Variants in CSMD3 observed in about 807,000 individuals in gnomAD.
The protein encoded by CSMD3 is CUB and Sushi multiple domains 3.
A neutral mutation model predicts 435.2 loss-of-function variants in CSMD3; 177 were observed. The ratio of observed to expected loss-of-function variants is 0.41; its 90% CI spans 0.36 to 0.46. The LOEUF is 0.46. Ranked by LOEUF, CSMD3 falls within the 20% of genes least tolerant of loss-of-function variation. CSMD3 has a pLI of 0.34. For synonymous variants in CSMD3, 1,656 were observed against 1,520.5 expected, an observed-to-expected ratio of 1.09 and a Z score of -2.07; for missense variants, 4,265 against 4,504.6, an observed-to-expected ratio of 0.95 and a Z score of 1.52.
chr8:112,792,881 A>G (rs2078725812), intron 13 of CSMD3, among the ~76,000 whole-genome samples: 1 of 151,978 alleles, frequency 6.6e-6, no homozygotes, highest in South Asian at 2.1e-4. Flanking sequence ...TTCATAACAA[A>G]AATCTTAAGG....
At chr8:113,093,631 G>A (rs575507776) in intron 5 of CSMD3, among the ~76,000 whole-genome samples, 7 of 152,136 alleles carry the variant, frequency 4.6e-5, no homozygotes, top group Admixed American at 3.3e-4. Context: ...ATTGGGGCAT[G>A]ACACTCCTGA....
intron 28 of CSMD3, among the ~76,000 whole-genome samples, chr8:112,516,357 A>T (rs940386959): frequency 6.6e-6 from 1 of 152,182 alleles, no homozygotes. Context: ...CCTGAACAGA[A>T]CAAAAAAGTT....
At chr8:112,702,870 T>C (rs960764913) in intron 13 of CSMD3, among the ~76,000 whole-genome samples, 9 of 152,132 alleles carry the variant, frequency 5.9e-5, no homozygotes, top group Non-Finnish European at 1.2e-4. Context: ...TTATCATTCC[T>C]GAAGCTACTA....
At chr8:112,429,929 T>G (rs1813482580) in intron 32 of CSMD3, among the ~76,000 whole-genome samples, 1 of 151,980 alleles carries the variant, frequency 6.6e-6, no homozygotes, top group African/African-American at 2.4e-5. Context: ...CCTGTGGACT[T>G]TATAATGATA....
chr8:113,265,840 C>A (rs1042144629), intron 3 of CSMD3, among the ~76,000 whole-genome samples: 1 of 151,364 alleles, frequency 6.6e-6, no homozygotes, highest in Non-Finnish European at 1.5e-5. Flanking sequence ...TTATGGGCCT[C>A]TAAAGACAAA....
chr8:112,317,597 T>A (rs1822593082), intron 47 of CSMD3, among the ~76,000 whole-genome samples: 1 of 152,016 alleles, frequency 6.6e-6, no homozygotes, highest in Non-Finnish European at 1.5e-5. Flanking sequence ...ATGAATGACA[T>A]CTAAATGTCT....
intron 3 of CSMD3, among the ~76,000 whole-genome samples, chr8:113,245,382 A>G (rs1279707645): frequency 6.6e-6 from 1 of 151,928 alleles, no homozygotes; most frequent in Non-Finnish European, 1.5e-5. Flanking sequence ...ATGTCCTATT[A>G]TATCATTTTA....
intron 16 of CSMD3, among the ~76,000 whole-genome samples, chr8:112,671,137 A>G (rs983487770): frequency 6.6e-6 from 1 of 152,140 alleles, no homozygotes; most frequent in Admixed American, 6.6e-5. Context: ...TTTATATCTC[A>G]GTTGACTGAG....
chr8:112,936,602 T>G (rs2083288250), intron 9 of CSMD3, among the ~76,000 whole-genome samples: 1 of 152,114 alleles, frequency 6.6e-6, no homozygotes, highest in African/African-American at 2.4e-5. Context: ...ATAACTTTTT[T>G]TCAAAAACAC....
intron 5 of CSMD3, among the ~76,000 whole-genome samples, chr8:113,085,233 A>T (rs1236067866): frequency 6.9e-6 from 1 of 145,912 alleles, no homozygotes; most frequent in Non-Finnish European, 1.5e-5. Context: ...AATTCAAACA[A>T]CTCAGCCAAA....
intron 32 of CSMD3, among the ~76,000 whole-genome samples, chr8:112,443,393 A>G (rs1006028444): frequency 1.3e-5 from 2 of 152,240 alleles, no homozygotes; most frequent in African/African-American, 4.8e-5. Flanking sequence ...GCTGAGAAAT[A>G]TGAATTTTTA....
chr8:112,243,868 C>T (rs1403463794), intron 65 of CSMD3, among the ~76,000 whole-genome samples: 1 of 151,910 alleles, frequency 6.6e-6, no homozygotes, highest in African/African-American at 2.4e-5. Flanking sequence ...AGAGGAGAGG[C>T]CACACAAAGA....
chr8:112,868,566 CA>C (rs1355704965), intron 10 of CSMD3, among the ~76,000 whole-genome samples: 1 of 152,028 alleles, frequency 6.6e-6, no homozygotes, highest in East Asian at 1.9e-4. Context: ...TTTTCGGCTT[CA>C]TTATAATTTT....
At chr8:113,098,709 T>C in intron 5 of CSMD3, 47 bp downstream of exon 5, 1 of 1,264,200 alleles carries the variant, frequency 7.9e-7, no homozygotes, top group Non-Finnish European at 1.2e-6. Context: ...GTTCCTTAGT[T>C]TGCTTCAACA....
chr8:113,355,770 G>GT (rs1554618984), intron 1 of CSMD3, among the ~76,000 whole-genome samples: 4 of 10,372 alleles, frequency 3.9e-4, no homozygotes, highest in Admixed American at 1.2e-3. Flanking sequence ...ACACACACGG[G>GT]GTGTGTGTGT....
intron 13 of CSMD3, among the ~76,000 whole-genome samples, chr8:112,767,580 G>A (rs892185996): frequency 4.0e-5 from 6 of 151,580 alleles, no homozygotes; most frequent in African/African-American, 1.5e-4. Context: ...GGATTGTTTG[G>A]AGTTTAAATA....
chr8:112,527,261 C>T (rs1026735376), intron 27 of CSMD3, among the ~76,000 whole-genome samples: 1 of 151,190 alleles, frequency 6.6e-6, no homozygotes, highest in Non-Finnish European at 1.5e-5. Context: ...TAAAAAGATG[C>T]TAAAAGGCAT....
At chr8:112,617,817 C>T (rs1035518274) in intron 22 of CSMD3, among the ~76,000 whole-genome samples, 8 of 152,014 alleles carry the variant, frequency 5.3e-5, no homozygotes, top group Admixed American at 1.3e-4. Flanking sequence ...AGAAATTATC[C>T]AAGATACTTC....
intron 36 of CSMD3, among the ~76,000 whole-genome samples, chr8:112,387,734 T>C (rs1326049754): frequency 2.0e-5 from 3 of 152,348 alleles, no homozygotes; most frequent in Non-Finnish European, 4.4e-5. Flanking sequence ...TATTCATATG[T>C]GTCCAGTTTT....
Sources: allele counts gnomAD v4.1 joint callset (sites outside exome capture counted in the v4.1 genomes callset), GRCh38; gene constraint gnomAD v4.1.1; transcripts MANE v1.5; gene names NCBI Gene and HGNC (gene_info 2026-07-23, HGNC 2026-07-21).